ROBO2: variants seen among roughly 807,000 people sequenced by gnomAD.
ROBO2 encodes roundabout homolog 2.
In ROBO2, 53 loss-of-function variants were observed where a neutral mutation model predicts 160.8. The ratio of observed to expected loss-of-function variants is 0.33; its 90% CI spans 0.26 to 0.41. ROBO2 has a LOEUF of 0.41. Among genes scored for constraint, ROBO2 ranks in the 10% least tolerant of loss-of-function variants. The pLI, the probability that ROBO2 is intolerant of heterozygous loss-of-function variation, is 1.00. For missense variants in ROBO2, 1,577 were observed against 1,722.4 expected (o/e 0.92, Z 1.49); for synonymous variants, 664 against 611.7 (o/e 1.09, Z -1.26).
At chr3:77,213,041 T>C (rs1186905328) in intron 2 of ROBO2, among the ~76,000 whole-genome samples, 2 of 152,194 alleles carry the variant, frequency 1.3e-5, no homozygotes, top group Admixed American at 6.5e-5. Context: ...ATTCTCTTTT[T>C]TTTGTTGTGT....
chr3:76,344,979 A>G (rs2074439678), intron 2 of ROBO2, among the ~76,000 whole-genome samples: 2 of 152,206 alleles, frequency 1.3e-5, no homozygotes. Context: ...GAGAAGTACT[A>G]TTCAGTTATT....
At chr3:76,807,162 G>C (rs1332476889) in intron 2 of ROBO2, among the ~76,000 whole-genome samples, 1 of 152,018 alleles carries the variant, frequency 6.6e-6, no homozygotes, top group Non-Finnish European at 1.5e-5. Flanking sequence ...GTCATTCAGA[G>C]AAATTGTAGA....
chr3:76,361,936 A>G (rs1454339191), intron 2 of ROBO2, among the ~76,000 whole-genome samples: 1 of 152,178 alleles, frequency 6.6e-6, no homozygotes, highest in East Asian at 1.9e-4. Context: ...CTCCTTGTGC[A>G]TAGATGTTTG....
chr3:76,928,215 G>C (rs913093973), intron 2 of ROBO2, among the ~76,000 whole-genome samples: 1 of 152,104 alleles, frequency 6.6e-6, no homozygotes, highest in African/African-American at 2.4e-5. Flanking sequence ...CAGACAAAGA[G>C]AGCCATGAGC....
In ROBO2 at chr3:77,317,013, C is replaced by T. The variant is rs770240210; in HGVS notation, c.389-160401C>T. ...CAGCGGTCTCCAACTTCTTGTTCACCTTCTGGTAAATGGAGCCGCCAAACT... is the reference window on the plus strand; with the variant it reads ...CAGCGGTCTCCAACTTCTTGTTCACTTTCTGGTAAATGGAGCCGCCAAACT... On this transcript the variant is annotated intron_variant, in intron 2 of 25. Coordinates refer to ENST00000461745, the Ensembl canonical transcript of ROBO2. 5 of 1,526,646 alleles carry T rather than the reference C, an allele frequency of 3.3e-6. No individual in the cohort carries two copies. In the Admixed American group the frequency reaches 6.7e-5, roughly 20 times the overall value. The allele number at this position is 1,526,646 out of a possible 1,614,324, so 94.6% of individuals were successfully genotyped here.
At chr3:77,004,050 G>A (rs2061461076) in intron 2 of ROBO2, among the ~76,000 whole-genome samples, 1 of 152,024 alleles carries the variant, frequency 6.6e-6, no homozygotes, top group Non-Finnish European at 1.5e-5. Flanking sequence ...TTTGTTTCAG[G>A]TGATAAATCA....
intron 2 of ROBO2, among the ~76,000 whole-genome samples, chr3:77,459,013 G>A (rs2081976880): frequency 6.6e-6 from 1 of 152,052 alleles, no homozygotes; most frequent in Non-Finnish European, 1.5e-5. Flanking sequence ...TTATAGACAA[G>A]AAATCTTGAC....
At chr3:77,217,624 G>T (rs1225994811) in intron 2 of ROBO2, among the ~76,000 whole-genome samples, 1 of 152,138 alleles carries the variant, frequency 6.6e-6, no homozygotes, top group African/African-American at 2.4e-5. Context: ...TATATTTGAA[G>T]AGCTCAAAAT....
At chr3:76,838,047 G>T (rs1031236650) in intron 2 of ROBO2, among the ~76,000 whole-genome samples, 8 of 152,008 alleles carry the variant, frequency 5.3e-5, no homozygotes, top group Non-Finnish European at 7.4e-5. Flanking sequence ...AAATATCCTA[G>T]CAGCCATGAA....
At chr3:76,206,828 C>T (rs1322621922) in intron 2 of ROBO2, among the ~76,000 whole-genome samples, 1 of 152,144 alleles carries the variant, frequency 6.6e-6, no homozygotes, top group Non-Finnish European at 1.5e-5. Context: ...ATGTGCAAAG[C>T]ATCTGTACCC....
chr3:77,223,493 T>C (rs1008918836), intron 2 of ROBO2, among the ~76,000 whole-genome samples: 1 of 152,086 alleles, frequency 6.6e-6, no homozygotes, highest in Non-Finnish European at 1.5e-5. Flanking sequence ...TTCCCCAAGA[T>C]TGAGTCCTGT....
intron 2 of ROBO2, among the ~76,000 whole-genome samples, chr3:77,261,142 C>T (rs1487506362): frequency 3.9e-5 from 6 of 152,272 alleles, no homozygotes; most frequent in African/African-American, 1.2e-4. Context: ...ACTTCTGCCT[C>T]TGAGTTCTAT....
chr3:77,465,578 A>G (rs1428747771), intron 2 of ROBO2, among the ~76,000 whole-genome samples: 3 of 152,168 alleles, frequency 2.0e-5, no homozygotes, highest in Non-Finnish European at 2.9e-5. Flanking sequence ...AGTGTGTATC[A>G]GAGGAAAAGA....
intron 2 of ROBO2, among the ~76,000 whole-genome samples, chr3:77,161,634 T>G (rs2078496345): frequency 6.6e-6 from 1 of 152,222 alleles, no homozygotes; most frequent in Admixed American, 6.5e-5. Context: ...TATTTTATTT[T>G]TTGCTTATTA....
At chr3:76,840,648 TATATATA>T (rs2068157818) in intron 2 of ROBO2, among the ~76,000 whole-genome samples, 9 of 13,064 alleles carry the variant, frequency 6.9e-4, no homozygotes, top group East Asian at 2.5e-3. Flanking sequence ...TTATATTTTA[TATATATA>T]TATATATATA....
chr3:77,617,439 T>C, intron 21 of ROBO2, 74 bp from the exon 23 acceptor site: 8 of 1,547,342 alleles, frequency 5.2e-6, no homozygotes, highest in Non-Finnish European at 7.1e-6. Flanking sequence ...TGCTACTTAT[T>C]GCCAGTATAA....
At chr3:76,936,126 G>T (rs940175098) in intron 2 of ROBO2, among the ~76,000 whole-genome samples, 6 of 151,960 alleles carry the variant, frequency 3.9e-5, no homozygotes, top group Non-Finnish European at 5.9e-5. Context: ...CTATTAAGAT[G>T]CATATTATGT....
In ROBO2 at chr3:76,871,548, C is replaced by T. The variant is rs981646886; in HGVS notation, c.110-226466C>T. On this transcript the variant is annotated intron_variant, in intron 2 of 26. Transcript: ENST00000487694. Reference sequence around the variant, plus strand: ...CAGCCTGGGCGACAGAGCGAGACTCCGTCTCAAAAAAAGAAAAAAAAAGAA... The same window carrying T: ...CAGCCTGGGCGACAGAGCGAGACTCTGTCTCAAAAAAAGAAAAAAAAAGAA... Among the ~76,000 whole-genome samples the T allele has an allele frequency of 5.9e-5, 8 of 136,026 alleles. 1 individual carries two copies. The highest frequency in any genetic ancestry group is 2.2e-4 in the Admixed American group (3 of 13,468). The allele number at this position is 136,026 out of a possible 152,430, so 89.2% of individuals were successfully genotyped here. A position where few individuals can be genotyped will look rare whatever the true frequency, so the allele number is the denominator to read the frequency against.
intron 2 of ROBO2, among the ~76,000 whole-genome samples, chr3:76,810,409 A>G (rs1282880891): frequency 2.7e-5 from 4 of 149,690 alleles, no homozygotes; most frequent in Non-Finnish European, 5.9e-5. Context: ...TGAAAGAAGA[A>G]TATTTGATAG....
Sources: gnomAD v4.1 joint callset for allele counts (sites outside exome capture counted in the v4.1 genomes callset) on GRCh38, gnomAD v4.1.1 for gene constraint, MANE v1.5 for transcripts, NCBI Gene and HGNC (gene_info 2026-07-23, HGNC 2026-07-21) for gene names.